Variants in GDA observed in about 807,000 individuals in gnomAD.
The protein encoded by GDA is guanine deaminase, also known as cytoplasmic PSD-95 interactor.
A neutral mutation model predicts 59.6 loss-of-function variants in GDA; 18 were observed. The ratio of observed to expected loss-of-function variants is 0.30; its 90% CI spans 0.21 to 0.45. The LOEUF is 0.45. Ranked by LOEUF, GDA falls within the 20% of genes least tolerant of loss-of-function variation. The probability of loss-of-function intolerance (pLI) is 1.00; values close to 1 mark genes in which losing one functional copy is unlikely to be tolerated. For missense variants in GDA, 427 were observed against 552.3 expected (o/e 0.77, Z 2.27); for synonymous variants, 201 against 201.1 (o/e 1.00, Z 0.00).
intron 4 of GDA, among the ~76,000 whole-genome samples, chr9:72,212,354 C>T (rs1445555150): frequency 6.6e-6 from 1 of 151,884 alleles, no homozygotes; most frequent in African/African-American, 2.4e-5. Context: ...TAGTGGTGGG[C>T]GCCTGTAGTC....
intron 1 of GDA, among the ~76,000 whole-genome samples, chr9:72,187,744 G>A (rs1832032364): frequency 6.6e-6 from 1 of 152,210 alleles, no homozygotes; most frequent in Non-Finnish European, 1.5e-5. Flanking sequence ...CAGAAGAAGA[G>A]AAGACTGGGG....
chr9:72,247,145 C>A (rs1265418320), intron 12 of GDA, among the ~76,000 whole-genome samples: 4 of 152,136 alleles, frequency 2.6e-5, no homozygotes, highest in African/African-American at 4.8e-5. Flanking sequence ...TTATATAATA[C>A]CTTTTCTCTG....
downstream of GDA, among the ~76,000 whole-genome samples, chr9:72,254,787 T>TTG (rs1840848276): frequency 6.6e-6 from 1 of 152,186 alleles, no homozygotes. Flanking sequence ...AGAATTCTGT[T>TTG]TGTGTGTGTG....
At chr9:72,198,747 A>G (rs1173729245) in intron 2 of GDA, among the ~76,000 whole-genome samples, 1 of 151,542 alleles carries the variant, frequency 6.6e-6, no homozygotes, top group Non-Finnish European at 1.5e-5. Context: ...ACACACATGT[A>G]TTGATATATA....
In GDA at chr9:72,186,712, C is replaced by T. The variant is rs574634450; in HGVS notation, c.124-8788C>T. Reference sequence around the variant, plus strand: ...CAACCCAACACTTCCGTGTTATTTACAGAATACTCCTGTCTATTTCACATC... The same window carrying T: ...CAACCCAACACTTCCGTGTTATTTATAGAATACTCCTGTCTATTTCACATC... On this transcript the variant is annotated intron_variant, in intron 1 of 13. Coordinates refer to ENST00000358399, the MANE Select transcript of GDA (RefSeq NM_004293.5). 4.1e-3 allele frequency among the ~76,000 whole-genome samples: 622 copies of T among 152,320 alleles called. 6 individuals carry two copies. Among genetic ancestry groups the T allele is most frequent in the African/African-American group, 0.014 (601 of 41,578 alleles).
chr9:72,235,120 C>G (rs1292542452), intron 10 of GDA, among the ~76,000 whole-genome samples: 1 of 151,914 alleles, frequency 6.6e-6, no homozygotes, highest in Non-Finnish European at 1.5e-5. Context: ...ATAAGAAGAT[C>G]AAAGAATTGT....
chr9:72,185,276 A>C (rs1344966357), intron 1 of GDA, among the ~76,000 whole-genome samples: 1 of 152,228 alleles, frequency 6.6e-6, no homozygotes, highest in Non-Finnish European at 1.5e-5. Flanking sequence ...AGAATCTCGG[A>C]AGACATGTCT....
upstream of GDA, chr9:72,149,438 G>A (rs888848281): frequency 3.3e-6 from 4 of 1,195,888 alleles, no homozygotes; most frequent in African/African-American, 3.2e-5. Flanking sequence ...GTAAGCGGGG[G>A]CAGGACAAGG....
chr9:72,219,269 G>A (rs1836539219), intron 5 of GDA, among the ~76,000 whole-genome samples: 1 of 152,180 alleles, frequency 6.6e-6, no homozygotes, highest in South Asian at 2.1e-4. Flanking sequence ...TGGACGTGGT[G>A]GCGGGTGCCT....
At chr9:72,122,543 G>A (rs117724164) in intron 1 of GDA, among the ~76,000 whole-genome samples, 139 of 151,950 alleles carry the variant, frequency 9.1e-4, no homozygotes, top group South Asian at 3.1e-3. Context: ...GTATGTAATG[G>A]AACACACTAT....
rs1840679555 is a variant in GDA at position 72,251,490 on chromosome 9, T to C, written c.*3148T>C. The C allele has an allele frequency of 6.6e-6, 1 of 152,176 alleles. No homozygotes were observed. The highest frequency in any genetic ancestry group is 1.5e-5 in the Non-Finnish European group (1 of 68,028). The allele number at this position is 152,176 out of a possible 1,614,324, so 9.4% of individuals were successfully genotyped here. A position where few individuals can be genotyped will look rare whatever the true frequency, so the allele number is the denominator to read the frequency against. On this transcript the variant is annotated 3_prime_UTR_variant, in exon 14 of 14. Transcript: ENST00000358399. ...CTGGAGACTCTTAGACATCTTTTCATTGTTGTCCATTTTTAAAGTTGATGA... is the reference window on the plus strand; with the variant it reads ...CTGGAGACTCTTAGACATCTTTTCACTGTTGTCCATTTTTAAAGTTGATGA...
chr9:72,180,269 A>G (rs978749530), intron 1 of GDA, among the ~76,000 whole-genome samples: 4 of 152,068 alleles, frequency 2.6e-5, no homozygotes, highest in African/African-American at 9.7e-5. Context: ...AGGCAAGAGA[A>G]TCGCTTGAAC....
chr9:72,216,144 C>T (rs1836081311), intron 5 of GDA, among the ~76,000 whole-genome samples: 1 of 152,204 alleles, frequency 6.6e-6, no homozygotes. Context: ...TATGTGCATG[C>T]CCCACATCAC....
intron 1 of GDA, among the ~76,000 whole-genome samples, chr9:72,131,648 G>GAAACAC (rs1554722170): frequency 1.9e-4 from 29 of 151,088 alleles, no homozygotes; most frequent in Admixed American, 1.8e-3. Flanking sequence ...CACGTGCACA[G>GAAACAC]ACACACACAC....
intron 2 of GDA, among the ~76,000 whole-genome samples, chr9:72,198,858 T>TATATATATATATATATATATAG (rs1833561348): frequency 1.3e-5 from 2 of 150,424 alleles, no homozygotes; most frequent in Admixed American, 6.6e-5. Flanking sequence ...TATATATATA[T>TATATATATATATATATATATAG]ATAAAATTTT....
In GDA at chr9:72,250,851, A is replaced by G; in HGVS notation, c.*2509A>G. The G allele has an allele frequency of 6.2e-7, 1 of 1,603,226 alleles. No individual in the cohort carries two copies. Among genetic ancestry groups the G allele is most frequent in the Non-Finnish European group, 8.5e-7 (1 of 1,172,666 alleles). ...GAATACACTTTGAAAGGTAAAAACAATTCAAAAGTATCGATTATCATAAAT... is the reference window on the plus strand; with the variant it reads ...GAATACACTTTGAAAGGTAAAAACAGTTCAAAAGTATCGATTATCATAAAT... On this transcript the variant is annotated 3_prime_UTR_variant, in exon 14 of 14. Coordinates refer to ENST00000358399, the MANE Select transcript of GDA (RefSeq NM_004293.5).
chr9:72,257,986 G>T (rs1840905185), downstream of GDA, among the ~76,000 whole-genome samples: 1 of 150,922 alleles, frequency 6.6e-6, no homozygotes, highest in South Asian at 2.1e-4. Flanking sequence ...GAATCCTAGT[G>T]ACATACTAAG....
At chr9:72,171,241 A>G (rs1358649832) in intron 1 of GDA, among the ~76,000 whole-genome samples, 1 of 152,226 alleles carries the variant, frequency 6.6e-6, no homozygotes, top group East Asian at 1.9e-4. Context: ...TATAGCAACA[A>G]CTATAATTTT....
chr9:72,200,819 A>G (rs1833896724), intron 2 of GDA, among the ~76,000 whole-genome samples: 2 of 152,202 alleles, frequency 1.3e-5, no homozygotes, highest in African/African-American at 2.4e-5. Flanking sequence ...AATTTGTCAC[A>G]GTTCTTTATT....
Sources: allele counts gnomAD v4.1 joint callset (sites outside exome capture counted in the v4.1 genomes callset), GRCh38; gene constraint gnomAD v4.1.1; transcripts MANE v1.5; gene names NCBI Gene and HGNC (gene_info 2026-07-23, HGNC 2026-07-21).